CTNNA3: variants seen among roughly 807,000 people sequenced by gnomAD.
The protein encoded by CTNNA3 is catenin alpha-3.
In CTNNA3, 76 loss-of-function variants were observed where a neutral mutation model predicts 95.7. The observed-to-expected ratio is 0.79, with a 90% CI of 0.66 to 0.96. CTNNA3 has a LOEUF of 0.96. CTNNA3 is among the 40% of genes least tolerant of loss of function. The pLI, the probability that CTNNA3 is intolerant of heterozygous loss-of-function variation, is 0.00. For synonymous variants in CTNNA3, 431 were observed against 374.4 expected, an observed-to-expected ratio of 1.15 and a Z score of -1.74; for missense variants, 1,191 against 1,089.8, an observed-to-expected ratio of 1.09 and a Z score of -1.31.
At chr10:67,395,236 G>A (rs1339854026) in intron 5 of CTNNA3, among the ~76,000 whole-genome samples, 1 of 152,114 alleles carries the variant, frequency 6.6e-6, no homozygotes. Context: ...GAATTGCTTT[G>A]CAGCTTGACC....
intron 17 of CTNNA3, among the ~76,000 whole-genome samples, chr10:65,944,988 A>G (rs1260377096): frequency 2.6e-5 from 4 of 152,164 alleles, no homozygotes; most frequent in Non-Finnish European, 1.5e-5. Context: ...TATAAAACAT[A>G]GCACCTTACA....
chr10:66,895,987 C>T (rs1425813587), intron 7 of CTNNA3, among the ~76,000 whole-genome samples: 1 of 150,606 alleles, frequency 6.6e-6, no homozygotes, highest in Non-Finnish European at 1.5e-5. Flanking sequence ...ATCCAAGCTA[C>T]TTGGGAGGCT....
At chr10:67,330,577 A>G (rs923129896) in intron 5 of CTNNA3, among the ~76,000 whole-genome samples, 6 of 152,220 alleles carry the variant, frequency 3.9e-5, no homozygotes, top group Non-Finnish European at 7.3e-5. Flanking sequence ...CTTCCTACAC[A>G]GGATCATGGG....
intron 3 of CTNNA3, among the ~76,000 whole-genome samples, chr10:67,566,742 T>C (rs1379179325): frequency 6.6e-6 from 1 of 152,024 alleles, no homozygotes; most frequent in Non-Finnish European, 1.5e-5. Context: ...TGCGGCACTC[T>C]TCACAAGAGC....
chr10:66,078,420 C>A (rs1038796172), intron 14 of CTNNA3, among the ~76,000 whole-genome samples: 8 of 151,804 alleles, frequency 5.3e-5, no homozygotes, highest in African/African-American at 1.7e-4. Flanking sequence ...AGTATATCAT[C>A]GTCTCTTTCA....
chr10:66,515,871 A>T (rs2054914832), intron 11 of CTNNA3, among the ~76,000 whole-genome samples: 1 of 152,112 alleles, frequency 6.6e-6, no homozygotes, highest in Non-Finnish European at 1.5e-5. Context: ...TGTGGGAATT[A>T]TGGGAACTAT....
At chr10:66,702,909 G>A (rs1404764035) in intron 9 of CTNNA3, among the ~76,000 whole-genome samples, 1 of 151,918 alleles carries the variant, frequency 6.6e-6, no homozygotes, top group Non-Finnish European at 1.5e-5. Flanking sequence ...TTTCTTCAGT[G>A]TTAACAATGT....
intron 5 of CTNNA3, among the ~76,000 whole-genome samples, chr10:67,232,477 C>T (rs1349398046): frequency 6.6e-6 from 1 of 151,732 alleles, no homozygotes; most frequent in Admixed American, 6.6e-5. Context: ...ATTTTGTCAC[C>T]ACCAGACCTG....
chr10:66,569,411 A>C (rs1842802966), intron 10 of CTNNA3, among the ~76,000 whole-genome samples: 1 of 152,160 alleles, frequency 6.6e-6, no homozygotes, highest in South Asian at 2.1e-4. Flanking sequence ...AATATAACAG[A>C]ATCCTGTAGA....
At chr10:66,146,764 T>G (rs2083907553) in intron 13 of CTNNA3, among the ~76,000 whole-genome samples, 1 of 152,054 alleles carries the variant, frequency 6.6e-6, no homozygotes, top group African/African-American at 2.4e-5. Context: ...ACCATGATGC[T>G]CAGGCCAGTC....
intron 5 of CTNNA3, among the ~76,000 whole-genome samples, chr10:67,417,915 A>G (rs1364611801): frequency 6.6e-6 from 1 of 152,226 alleles, no homozygotes. Flanking sequence ...CAATGTTCAT[A>G]GCAACATTTT....
intron 2 of CTNNA3, 59 bp downstream of exon 2, chr10:67,647,356 C>T: frequency 3.5e-6 from 4 of 1,158,690 alleles, no homozygotes; most frequent in Non-Finnish European, 2.5e-6. Context: ...TTCATTTTTC[C>T]CACATATTTT....
chr10:67,614,642 T>C (rs1281168696), intron 2 of CTNNA3, among the ~76,000 whole-genome samples: 1 of 152,134 alleles, frequency 6.6e-6, no homozygotes, highest in African/African-American at 2.4e-5. Context: ...TGAAGTTTCT[T>C]TTGCTCACCC....
intron 11 of CTNNA3, among the ~76,000 whole-genome samples, chr10:66,493,848 AC>A (rs1282900094): frequency 7.9e-6 from 1 of 127,012 alleles, no homozygotes; most frequent in Non-Finnish European, 1.6e-5. Flanking sequence ...CTCGTGATCC[AC>A]CCGCCTCAGC....
intron 5 of CTNNA3, among the ~76,000 whole-genome samples, chr10:67,225,135 G>T (rs1864840439): frequency 1.3e-5 from 2 of 152,108 alleles, no homozygotes; most frequent in Admixed American, 6.5e-5. Flanking sequence ...GGATGACTCA[G>T]GAGAGGCAGC....
chr10:67,280,636 G>T (rs1839357520), intron 5 of CTNNA3, among the ~76,000 whole-genome samples: 3 of 151,946 alleles, frequency 2.0e-5, no homozygotes, highest in African/African-American at 7.2e-5. Flanking sequence ...AATTCCTGGT[G>T]ACTCCACCCC....
intron 5 of CTNNA3, among the ~76,000 whole-genome samples, chr10:67,416,621 A>C (rs1199111240): frequency 2.0e-5 from 3 of 150,898 alleles, no homozygotes; most frequent in East Asian, 1.9e-4. Context: ...AAAAAAAAAA[A>C]AAAAAAAAAA....
chr10:66,613,134 C>T (rs1844385117), intron 10 of CTNNA3, among the ~76,000 whole-genome samples: 1 of 152,008 alleles, frequency 6.6e-6, no homozygotes, highest in African/African-American at 2.4e-5. Flanking sequence ...GAGATTCTTG[C>T]CTTGGCCTGC....
At chr10:66,968,104 C>A (rs1182013658) in intron 7 of CTNNA3, among the ~76,000 whole-genome samples, 1 of 151,988 alleles carries the variant, frequency 6.6e-6, no homozygotes, top group East Asian at 1.9e-4. Flanking sequence ...GCCTGAAAAA[C>A]CCAATCTGTT....
Sources: gnomAD v4.1 joint callset for allele counts (sites outside exome capture counted in the v4.1 genomes callset) on GRCh38, gnomAD v4.1.1 for gene constraint, MANE v1.5 for transcripts, NCBI Gene and HGNC (gene_info 2026-07-23, HGNC 2026-07-21) for gene names.